Variants in LRRC4C observed in about 807,000 individuals in gnomAD.
LRRC4C encodes the protein leucine rich repeat containing 4C, also known as leucine-rich repeat-containing protein 4C.
A neutral mutation model predicts 33.6 loss-of-function variants in LRRC4C; 5 were observed. The ratio of observed to expected loss-of-function variants is 0.15; its 90% CI spans 0.08 to 0.31. The LOEUF (loss-of-function observed/expected upper bound fraction) is 0.31, where lower values mean the gene tolerates loss of function less well. LRRC4C is among the 10% of genes least tolerant of loss of function. The pLI, the probability that LRRC4C is intolerant of heterozygous loss-of-function variation, is 1.00. For missense variants in LRRC4C, 560 were observed against 796.7 expected (o/e 0.70, Z 3.58); for synonymous variants, 329 against 302.0 (o/e 1.09, Z -0.93).
intron 3 of LRRC4C, among the ~76,000 whole-genome samples, chr11:40,560,691 T>G (rs1957514633): frequency 6.6e-6 from 1 of 152,226 alleles, no homozygotes; most frequent in South Asian, 2.1e-4. Context: ...TTATAATGTA[T>G]GTAAGTATAT....
chr11:40,335,049 A>G (rs1946536677), intron 3 of LRRC4C, among the ~76,000 whole-genome samples: 5 of 152,186 alleles, frequency 3.3e-5, no homozygotes, highest in Admixed American at 1.3e-4. Flanking sequence ...TTTCTCATAA[A>G]TAATATGCTT....
intron 1 of LRRC4C, among the ~76,000 whole-genome samples, chr11:41,439,405 T>A (rs893876984): frequency 6.6e-6 from 1 of 152,212 alleles, no homozygotes; most frequent in Non-Finnish European, 1.5e-5. Flanking sequence ...GTGGACTTGC[T>A]GGATCAAATG....
chr11:41,209,550 C>G (rs747727097), intron 1 of LRRC4C, among the ~76,000 whole-genome samples: 2 of 151,180 alleles, frequency 1.3e-5, no homozygotes, highest in Non-Finnish European at 2.9e-5. Flanking sequence ...GAAGCTGAGG[C>G]AGGGGAATCC....
intron 1 of LRRC4C, among the ~76,000 whole-genome samples, chr11:41,456,010 C>T (rs576066085): frequency 6.6e-6 from 1 of 152,270 alleles, no homozygotes; most frequent in Non-Finnish European, 1.5e-5. Context: ...TGCAAAGCCC[C>T]TGCTCTATTC....
intron 3 of LRRC4C, among the ~76,000 whole-genome samples, chr11:40,646,038 T>G (rs1163209494): frequency 6.6e-6 from 1 of 152,130 alleles, no homozygotes; most frequent in Non-Finnish European, 1.5e-5. Flanking sequence ...AGTGTTTTTT[T>G]TTTTTTTGCC....
intron 1 of LRRC4C, among the ~76,000 whole-genome samples, chr11:41,033,384 T>A (rs1393431644): frequency 9.0e-6 from 1 of 110,726 alleles, no homozygotes; most frequent in Non-Finnish European, 2.0e-5. Flanking sequence ...AAGGAAGGAA[T>A]CAGAACACAG....
In LRRC4C at chr11:40,251,131, C is replaced by T. The variant is rs550704702; in HGVS notation, c.-175-9533G>A. Among the ~76,000 whole-genome samples the T allele has an allele frequency of 7.2e-5, 11 of 152,258 alleles. No individual in the cohort carries two copies. In the South Asian group the frequency reaches 2.3e-3, roughly 32 times the overall value. On this transcript the variant is annotated intron_variant, in intron 4 of 6. Coordinates refer to ENST00000528697, the MANE Select transcript of LRRC4C (RefSeq NM_001258419.2). ...CTTCCTAAGCAGTCAGAAAGGAGGTCACTGAGAACCAATGTACATAATCTT... is the reference window on the plus strand; with the variant it reads ...CTTCCTAAGCAGTCAGAAAGGAGGTTACTGAGAACCAATGTACATAATCTT...
chr11:40,455,925 T>C lies in LRRC4C; in HGVS notation c.-269-136204A>G, dbSNP rs576174708. Among the ~76,000 whole-genome samples, 81 of 152,262 alleles carry C rather than the reference T, an allele frequency of 5.3e-4. No individual in the cohort carries two copies. The South Asian group carries it at 0.016, about 31-fold the overall frequency. On this transcript the variant is annotated intron_variant, in intron 3 of 6. Transcript: ENST00000528697. Reference sequence around the variant, plus strand: ...GCCATATTAGTATGTGAAAGTGGCATTGAGATTGATACACGGTAAATGTTC... The same window carrying C: ...GCCATATTAGTATGTGAAAGTGGCACTGAGATTGATACACGGTAAATGTTC...
chr11:40,377,235 C>T (rs549831334), intron 3 of LRRC4C, among the ~76,000 whole-genome samples: 28 of 152,200 alleles, frequency 1.8e-4, no homozygotes, highest in South Asian at 1.0e-3. Flanking sequence ...TGATTATCCA[C>T]TAGTGGTTTT....
At chr11:40,676,407 G>T (rs1193592574) in intron 2 of LRRC4C, among the ~76,000 whole-genome samples, 1 of 152,144 alleles carries the variant, frequency 6.6e-6, no homozygotes, top group Non-Finnish European at 1.5e-5. Context: ...TACACTGTAG[G>T]AATTCCCTCC....
At chr11:41,054,657 A>G (rs531279265) in intron 1 of LRRC4C, among the ~76,000 whole-genome samples, 14 of 152,328 alleles carry the variant, frequency 9.2e-5, no homozygotes, top group Non-Finnish European at 1.6e-4. Context: ...TTGGAAAGCA[A>G]CTTATCTTTT....
At chr11:40,707,900 G>T (rs1946250669) in intron 2 of LRRC4C, among the ~76,000 whole-genome samples, 1 of 152,110 alleles carries the variant, frequency 6.6e-6, no homozygotes. Context: ...CCTGTTATTG[G>T]TCTATTCAGC....
At chr11:40,220,085 A>T (rs765406674) in intron 5 of LRRC4C, among the ~76,000 whole-genome samples, 2 of 152,182 alleles carry the variant, frequency 1.3e-5, no homozygotes, top group Non-Finnish European at 2.9e-5. Context: ...CTTTAGAGGG[A>T]ATTTCAACAT....
At chr11:41,228,634 T>C (rs1281587401) in intron 1 of LRRC4C, among the ~76,000 whole-genome samples, 2 of 152,192 alleles carry the variant, frequency 1.3e-5, no homozygotes, top group African/African-American at 4.8e-5. Context: ...GTACTCATTC[T>C]GAAGATTGAT....
At chr11:40,504,793 G>C (rs1954951256) in intron 3 of LRRC4C, among the ~76,000 whole-genome samples, 1 of 152,020 alleles carries the variant, frequency 6.6e-6, no homozygotes, top group African/African-American at 2.4e-5. Context: ...TTTATTTAGA[G>C]AGCGGAGGCT....
At chr11:41,206,178 G>A (rs748714020) in intron 1 of LRRC4C, among the ~76,000 whole-genome samples, 2 of 152,202 alleles carry the variant, frequency 1.3e-5, no homozygotes. Flanking sequence ...GTGAACAAAA[G>A]ATTTATTTTT....
At chr11:40,952,463 T>C (rs1315386710) in intron 1 of LRRC4C, among the ~76,000 whole-genome samples, 4 of 151,994 alleles carry the variant, frequency 2.6e-5, no homozygotes, top group Admixed American at 2.6e-4. Flanking sequence ...GAGCATGCTC[T>C]TTTTCTAAGC....
intron 3 of LRRC4C, among the ~76,000 whole-genome samples, chr11:40,422,922 AAAATT>A (rs1306734848): frequency 2.0e-5 from 3 of 151,730 alleles, no homozygotes; most frequent in Admixed American, 2.0e-4. Context: ...AGCATGATTA[AAAATT>A]AAATTAAATA....
intron 2 of LRRC4C, among the ~76,000 whole-genome samples, chr11:40,823,108 A>G (rs1264807863): frequency 1.3e-5 from 2 of 151,828 alleles, no homozygotes; most frequent in Non-Finnish European, 2.9e-5. Flanking sequence ...TTCAAAAGAT[A>G]GTGCTTGCAT....
Sources: allele counts gnomAD v4.1 joint callset (sites outside exome capture counted in the v4.1 genomes callset), GRCh38; gene constraint gnomAD v4.1.1; transcripts MANE v1.5; gene names NCBI Gene and HGNC (gene_info 2026-07-23, HGNC 2026-07-21).